The following C1QTNF3 variants were observed in gnomAD, a reference collection of about 807,000 sequenced individuals.
C1QTNF3 encodes complement C1q tumor necrosis factor-related protein 3.
Under a neutral mutation model 32.6 loss-of-function variants are expected in C1QTNF3, and 26 were observed. The observed-to-expected ratio is 0.80, with a 90% confidence interval of 0.58 to 1.11. The LOEUF (loss-of-function observed/expected upper bound fraction) is 1.11. Ranked by LOEUF, C1QTNF3 falls within the 50% of genes least tolerant of loss-of-function variation. The pLI, the probability that C1QTNF3 is intolerant of heterozygous loss-of-function variation, is 0.00. For synonymous variants in C1QTNF3, 155 were observed against 146.0 expected, an observed-to-expected ratio of 1.06 and a Z score of -0.44; for missense variants, 362 against 398.2, an observed-to-expected ratio of 0.91 and a Z score of 0.77.
At chr5:34,038,826 C>CA (rs1468104964) in intron 1 of C1QTNF3, among the ~76,000 whole-genome samples, 1 of 151,864 alleles carries the variant, frequency 6.6e-6, no homozygotes, top group Non-Finnish European at 1.5e-5. Flanking sequence ...GGTAGCTACT[C>CA]AGACATGAGC....
the C1QTNF3 span, among the ~76,000 whole-genome samples, chr5:34,056,015 G>A: frequency 6.6e-6 from 1 of 152,118 alleles, no homozygotes; most frequent in East Asian, 1.9e-4. Context: ...ACCTACCCTA[G>A]TCATTGTCAC....
At chr5:34,159,402 AG>A in the C1QTNF3 span, among the ~76,000 whole-genome samples, 3 of 152,104 alleles carry the variant, frequency 2.0e-5, no homozygotes, top group Non-Finnish European at 2.9e-5. Flanking sequence ...TATGCAAATA[AG>A]TGATTAAAAT....
Position 34,020,243 on chromosome 5 carries a change from A to T in C1QTNF3, c.*340T>A. On this transcript the variant is annotated 3_prime_UTR_variant, in exon 6 of 6. Coordinates refer to ENST00000382065, the MANE Select transcript of C1QTNF3 (RefSeq NM_181435.6). ...GGTTCCTGAAAACTGGTATTAAATT[A>T]AAAGCAGAGTAGTCAAAATTCTTTG... 5.1e-6 allele frequency: 1 copy of T among 196,882 alleles called. No individual in the cohort carries two copies. Among genetic ancestry groups the T allele is most frequent in the Non-Finnish European group, 1.1e-5 (1 of 95,048 alleles). 12.2% of individuals were successfully genotyped at this position (196,882 alleles called of 1,614,324 possible).
At chr5:34,028,951 T>C in intron 3 of C1QTNF3, 68 bp from the exon 4 acceptor site, 1 of 1,433,224 alleles carries the variant, frequency 7.0e-7, no homozygotes, top group South Asian at 1.2e-5. Context: ...TTATGCAGAT[T>C]AGTTTGTTAA....
At chr5:34,160,922 A>T in the C1QTNF3 span, among the ~76,000 whole-genome samples, 1 of 152,214 alleles carries the variant, frequency 6.6e-6, no homozygotes, top group African/African-American at 2.4e-5. Context: ...AAAAAGAAAG[A>T]ATAAGAATTT....
chr5:34,205,509 A>G, the C1QTNF3 span, among the ~76,000 whole-genome samples: 3 of 152,220 alleles, frequency 2.0e-5, no homozygotes, highest in Middle Eastern at 3.4e-3. Context: ...AGTGTGTAGC[A>G]TCTCCCTCTT....
chr5:34,175,357 T>A, the C1QTNF3 span: 1 of 160,516 alleles, frequency 6.2e-6, no homozygotes, highest in Non-Finnish European at 1.4e-5. Context: ...GACTTTTAAA[T>A]GCTGCCATAT....
chr5:34,237,710 AG>A, the C1QTNF3 span, among the ~76,000 whole-genome samples: 1 of 152,164 alleles, frequency 6.6e-6, no homozygotes, highest in Non-Finnish European at 1.5e-5. Flanking sequence ...GCTGAGCTGA[AG>A]AGGGAGGAAG....
the C1QTNF3 span, among the ~76,000 whole-genome samples, chr5:34,137,486 C>T: frequency 2.0e-5 from 3 of 152,120 alleles, no homozygotes; most frequent in Non-Finnish European, 1.5e-5. Flanking sequence ...ATTCAATCTC[C>T]AGGTCTCCCA....
At chr5:34,233,471 T>C in the C1QTNF3 span, among the ~76,000 whole-genome samples, 1 of 147,316 alleles carries the variant, frequency 6.8e-6, no homozygotes, top group Non-Finnish European at 1.5e-5. Flanking sequence ...TGTTAGCTTG[T>C]GGTCTTTCAT....
At chr5:34,200,724 C>T in the C1QTNF3 span, 16 of 152,102 alleles carry the variant, frequency 1.1e-4, no homozygotes, top group Admixed American at 7.9e-4. Flanking sequence ...ATTTGTCTCT[C>T]GTCAATCTCT....
chr5:34,175,911 T>C, the C1QTNF3 span: 2 of 818,810 alleles, frequency 2.4e-6, no homozygotes, highest in Non-Finnish European at 4.4e-6. Context: ...ATGGTACTGC[T>C]CTAGCAGACT....
At chr5:34,029,549 C>T (rs1312683298) in intron 3 of C1QTNF3, among the ~76,000 whole-genome samples, 3 of 152,022 alleles carry the variant, frequency 2.0e-5, no homozygotes, top group African/African-American at 7.2e-5. Context: ...CACTGTTTAC[C>T]CAAAAAGTAG....
At chr5:34,229,625 A>T in the C1QTNF3 span, among the ~76,000 whole-genome samples, 1 of 152,184 alleles carries the variant, frequency 6.6e-6, no homozygotes, top group African/African-American at 2.4e-5. Context: ...CAATCGTAAG[A>T]TTCTTTACAT....
chr5:34,134,458 G>A, the C1QTNF3 span, among the ~76,000 whole-genome samples: 1 of 152,086 alleles, frequency 6.6e-6, no homozygotes, highest in Non-Finnish European at 1.5e-5. Flanking sequence ...TCTGTTAAAG[G>A]TGGACCCAAG....
At chr5:34,213,777 GTATA>G in the C1QTNF3 span, among the ~76,000 whole-genome samples, 2 of 26,534 alleles carry the variant, frequency 7.5e-5, no homozygotes, top group South Asian at 2.9e-3. Context: ...ACACATACGT[GTATA>G]TATACATATA....
chr5:34,024,080 A>T (rs185537352), intron 4 of C1QTNF3, 72 bp from the exon 5 acceptor site: 26 of 1,158,086 alleles, frequency 2.2e-5, no homozygotes, highest in Non-Finnish European at 2.9e-5. Context: ...ATACCTGGAG[A>T]TTTGCCAACT....
the C1QTNF3 span, among the ~76,000 whole-genome samples, chr5:34,216,204 T>C: frequency 1.3e-4 from 20 of 152,260 alleles, no homozygotes; most frequent in Non-Finnish European, 1.5e-5. Flanking sequence ...TAAGTATCTC[T>C]ACATTCTTCT....
At chr5:34,196,049 T>C in the C1QTNF3 span, among the ~76,000 whole-genome samples, 1 of 152,276 alleles carries the variant, frequency 6.6e-6, no homozygotes, top group African/African-American at 2.4e-5. Flanking sequence ...ATTTCCAATC[T>C]AGGAAGCAGG....
Sources: gnomAD v4.1 joint callset for allele counts (sites outside exome capture counted in the v4.1 genomes callset) on GRCh38, gnomAD v4.1.1 for gene constraint, MANE v1.5 for transcripts, NCBI Gene and HGNC (gene_info 2026-07-23, HGNC 2026-07-21) for gene names.